The following MAST4 variants were observed in gnomAD, a reference collection of about 807,000 sequenced individuals.
The protein encoded by MAST4 is microtubule associated serine/threonine kinase family member 4, also known as microtubule-associated serine/threonine-protein kinase 4.
A neutral mutation model predicts 162.7 loss-of-function variants in MAST4; 89 were observed. That is an observed-to-expected ratio of 0.55 (90% CI 0.46 to 0.65). The LOEUF (loss-of-function observed/expected upper bound fraction) is 0.65, where lower values mean the gene tolerates loss of function less well. MAST4 is among the 30% of genes least tolerant of loss of function. MAST4 has a pLI of 0.00. For synonymous variants in MAST4, 1,479 were observed against 1,361.1 expected, an observed-to-expected ratio of 1.09 and a Z score of -1.91; for missense variants, 3,153 against 3,374.0, an observed-to-expected ratio of 0.93 and a Z score of 1.62.
intron 2 of MAST4, among the ~76,000 whole-genome samples, chr5:66,761,406 C>G (rs1457906843): frequency 6.6e-6 from 1 of 152,154 alleles, no homozygotes. Context: ...CCACTGAAAG[C>G]TGGATTTCTG....
chr5:66,641,798 T>C (rs889544433), intron 1 of MAST4, among the ~76,000 whole-genome samples: 4 of 152,208 alleles, frequency 2.6e-5, no homozygotes, highest in Admixed American at 2.6e-4. Context: ...TTGAAACACA[T>C]TCAGTATATT....
chr5:66,891,374 C>T (rs1357670324), intron 3 of MAST4, among the ~76,000 whole-genome samples: 1 of 152,172 alleles, frequency 6.6e-6, no homozygotes, highest in African/African-American at 2.4e-5. Flanking sequence ...TCCTGGCCCT[C>T]AGCCATGCTT....
At chr5:66,753,493 C>T (rs1471218482) in intron 1 of MAST4, among the ~76,000 whole-genome samples, 1 of 151,798 alleles carries the variant, frequency 6.6e-6, no homozygotes, top group Non-Finnish European at 1.5e-5. Flanking sequence ...CACAGAAATA[C>T]AAACTACCAT....
chr5:66,873,457 A>G (rs989116003), intron 3 of MAST4, among the ~76,000 whole-genome samples: 2 of 152,260 alleles, frequency 1.3e-5, no homozygotes, highest in African/African-American at 4.8e-5. Context: ...TCTGGGGGTC[A>G]GTAACAAATT....
chr5:67,049,014 TATATATAC>T (rs1757740712), intron 4 of MAST4, among the ~76,000 whole-genome samples: 1 of 122,898 alleles, frequency 8.1e-6, no homozygotes, highest in Admixed American at 8.7e-5. Context: ...CACACATATA[TATATATAC>T]GTATATATAT....
chr5:66,699,723 A>G (rs145842498), intron 1 of MAST4, among the ~76,000 whole-genome samples: 1 of 147,976 alleles, frequency 6.8e-6, no homozygotes, highest in Non-Finnish European at 1.5e-5. Flanking sequence ...GAACACATGG[A>G]CACAGGGAGG....
chr5:67,069,287 G>GAGATATATATATATATATAT (rs138978370), intron 5 of MAST4, among the ~76,000 whole-genome samples: 3 of 107,632 alleles, frequency 2.8e-5, no homozygotes, highest in African/African-American at 1.2e-4. Flanking sequence ...GAGGAGATTG[G>GAGATATATATATATATATAT]ATATATATAT....
intron 3 of MAST4, among the ~76,000 whole-genome samples, chr5:66,838,039 A>G (rs1758151079): frequency 6.6e-6 from 1 of 151,582 alleles, no homozygotes; most frequent in South Asian, 2.1e-4. Flanking sequence ...GGGGGCAATT[A>G]TCATAGTGGG....
intron 1 of MAST4, among the ~76,000 whole-genome samples, chr5:66,738,702 C>T (rs954228286): frequency 1.3e-5 from 2 of 152,196 alleles, no homozygotes; most frequent in South Asian, 2.1e-4. Flanking sequence ...GCCCTCCTCC[C>T]GGTTGAAAGT....
At chr5:66,664,982 A>C (rs1747155536) in intron 1 of MAST4, among the ~76,000 whole-genome samples, 1 of 152,230 alleles carries the variant, frequency 6.6e-6, no homozygotes. Flanking sequence ...CTGAAGAGTT[A>C]TGTGTAATGT....
intron 3 of MAST4, among the ~76,000 whole-genome samples, chr5:66,860,462 A>G (rs771525209): frequency 1.6e-4 from 24 of 152,214 alleles, no homozygotes; most frequent in Non-Finnish European, 7.3e-5. Flanking sequence ...GCTTATAGCT[A>G]TAGGTCATGG....
intron 4 of MAST4, chr5:66,930,686 G>A: frequency 4.3e-6 from 2 of 470,556 alleles, no homozygotes; most frequent in East Asian, 1.4e-4. Flanking sequence ...TCAGGAATGT[G>A]TGAAGCAGGA....
intron 23 of MAST4, among the ~76,000 whole-genome samples, chr5:67,147,996 G>A (rs1561167710): frequency 6.6e-6 from 1 of 152,178 alleles, no homozygotes; most frequent in Non-Finnish European, 1.5e-5. Flanking sequence ...GACCACAGCT[G>A]TAAGATCTGA....
chr5:66,979,518 G>C (rs952556384), intron 4 of MAST4, among the ~76,000 whole-genome samples: 3 of 152,192 alleles, frequency 2.0e-5, no homozygotes, highest in Admixed American at 1.3e-4. Flanking sequence ...GTCCAATTTG[G>C]GTTCACCCTC....
intron 5 of MAST4, among the ~76,000 whole-genome samples, chr5:67,082,980 G>A (rs1238519637): frequency 6.6e-6 from 1 of 152,170 alleles, no homozygotes; most frequent in East Asian, 1.9e-4. Flanking sequence ...AGCTTCAAAG[G>A]TGATTCTGAT....
intron 2 of MAST4, among the ~76,000 whole-genome samples, chr5:66,768,634 G>T (rs1016623594): frequency 6.6e-6 from 1 of 152,106 alleles, no homozygotes; most frequent in African/African-American, 2.4e-5. Flanking sequence ...GATTAAGGAG[G>T]GGATGAGGTA....
At chr5:66,957,533 G>A (rs934717367) in intron 4 of MAST4, among the ~76,000 whole-genome samples, 8 of 152,120 alleles carry the variant, frequency 5.3e-5, no homozygotes, top group Admixed American at 3.9e-4. Flanking sequence ...CTGCCTCTCT[G>A]TGGAGTCAGT....
chr5:66,847,256 C>G (rs1007027780), intron 3 of MAST4, among the ~76,000 whole-genome samples: 1 of 152,194 alleles, frequency 6.6e-6, no homozygotes, highest in Non-Finnish European at 1.5e-5. Flanking sequence ...TACACTAAGT[C>G]TAGCAGAGTG....
At chr5:66,894,651 G>C (rs1184034118) in intron 3 of MAST4, among the ~76,000 whole-genome samples, 2 of 152,240 alleles carry the variant, frequency 1.3e-5, no homozygotes, top group African/African-American at 4.8e-5. Context: ...GAAAGATGAT[G>C]ATGGGGAAGT....
Sources: allele counts gnomAD v4.1 joint callset (sites outside exome capture counted in the v4.1 genomes callset), GRCh38; gene constraint gnomAD v4.1.1; transcripts MANE v1.5; gene names NCBI Gene and HGNC (gene_info 2026-07-23, HGNC 2026-07-21).